Variants in ANK2 observed in about 807,000 individuals in gnomAD.
ANK2 encodes the protein ankyrin 2.
In ANK2, 83 loss-of-function variants were observed where a neutral mutation model predicts 360.5. That is an observed-to-expected ratio of 0.23 (90% CI 0.19 to 0.28). The LOEUF (loss-of-function observed/expected upper bound fraction) is 0.28. ANK2 is among the 10% of genes least tolerant of loss of function. ANK2 has a pLI of 1.00. For synonymous variants in ANK2, 1,740 were observed against 1,759.5 expected (o/e 0.99, Z 0.28); for missense variants, 4,201 against 4,795.7 (o/e 0.88, Z 3.66).
chr4:113,252,291 C>T (rs1331028612), intron 10 of ANK2, among the ~76,000 whole-genome samples: 4 of 152,138 alleles, frequency 2.6e-5, no homozygotes, highest in Non-Finnish European at 4.4e-5. Context: ...GGGTCCCTCT[C>T]GCAACACAAG....
intron 1 of ANK2, among the ~76,000 whole-genome samples, chr4:113,172,499 A>G (rs998494290): frequency 6.6e-6 from 1 of 152,210 alleles, no homozygotes; most frequent in East Asian, 1.9e-4. Flanking sequence ...CATCTATTAA[A>G]TGGGCATAAG....
At chr4:112,960,189 A>G (rs111270937) in intron 2 of ANK2, among the ~76,000 whole-genome samples, 8 of 152,322 alleles carry the variant, frequency 5.3e-5, no homozygotes, top group African/African-American at 1.9e-4. Context: ...CATCTGTGTC[A>G]GGAATATCGG....
At chr4:113,218,931 T>C (rs362486) in intron 4 of ANK2, among the ~76,000 whole-genome samples, 4,242 of 152,242 alleles carry the variant, frequency 0.028, 98 homozygotes, top group East Asian at 0.067. Context: ...AATAATTACT[T>C]CAGGTTAATG....
At chr4:113,335,378 T>A (rs1415484064) in intron 29 of ANK2, among the ~76,000 whole-genome samples, 1 of 152,200 alleles carries the variant, frequency 6.6e-6, no homozygotes, top group Admixed American at 6.5e-5. Context: ...ATTATTCCCC[T>A]GAAAACCCAA....
the ANK2 span, among the ~76,000 whole-genome samples, chr4:112,712,054 A>T: frequency 6.7e-6 from 1 of 148,836 alleles, no homozygotes; most frequent in Non-Finnish European, 1.5e-5. Flanking sequence ...ACACACACAC[A>T]CATATATATA....
intron 13 of ANK2, among the ~76,000 whole-genome samples, chr4:113,263,003 C>T (rs950749177): frequency 6.6e-6 from 1 of 151,676 alleles, no homozygotes; most frequent in Admixed American, 6.6e-5. Flanking sequence ...GCTTGACCAA[C>T]ATGATGAAAC....
At chr4:112,954,736 G>A (rs2095251024) in intron 2 of ANK2, among the ~76,000 whole-genome samples, 1 of 152,042 alleles carries the variant, frequency 6.6e-6, no homozygotes, top group Non-Finnish European at 1.5e-5. Flanking sequence ...TTTAGAAATG[G>A]CAAAGTTCAG....
At chr4:112,759,767 G>A in the ANK2 span, among the ~76,000 whole-genome samples, 1 of 152,082 alleles carries the variant, frequency 6.6e-6, no homozygotes, top group Non-Finnish European at 1.5e-5. Context: ...CATTGTAGAG[G>A]ACTTTGTACT....
intron 2 of ANK2, among the ~76,000 whole-genome samples, chr4:113,023,657 C>T (rs1044135012): frequency 1.3e-4 from 20 of 152,332 alleles, no homozygotes; most frequent in African/African-American, 4.1e-4. Context: ...GGCAACATTT[C>T]ATCTTCATTT....
At chr4:113,254,385 A>G (rs898452217) in intron 10 of ANK2, among the ~76,000 whole-genome samples, 1 of 152,206 alleles carries the variant, frequency 6.6e-6, no homozygotes, top group African/African-American at 2.4e-5. Context: ...AAAATCAACA[A>G]AAGATTAGAT....
chr4:113,001,060 C>T (rs568303103), intron 2 of ANK2, among the ~76,000 whole-genome samples: 28 of 152,036 alleles, frequency 1.8e-4, no homozygotes, highest in Non-Finnish European at 3.7e-4. Flanking sequence ...TGAGGTCGGG[C>T]ACGGTGGTTC....
chr4:113,175,524 C>T (rs892125384), intron 2 of ANK2, among the ~76,000 whole-genome samples: 1 of 152,168 alleles, frequency 6.6e-6, no homozygotes, highest in Non-Finnish European at 1.5e-5. Context: ...CCTTCTGCAT[C>T]CAGATTACAT....
chr4:112,909,833 A>AT (rs1173303255), intron 2 of ANK2, among the ~76,000 whole-genome samples: 1 of 152,070 alleles, frequency 6.6e-6, no homozygotes, highest in Non-Finnish European at 1.5e-5. Flanking sequence ...GAGCTCATTC[A>AT]TTTTTTTACT....
intron 2 of ANK2, among the ~76,000 whole-genome samples, chr4:112,981,174 A>G (rs2043007881): frequency 6.6e-6 from 1 of 152,230 alleles, no homozygotes; most frequent in Non-Finnish European, 1.5e-5. Flanking sequence ...TGCTCAAGTG[A>G]AGTGCATGCT....
intron 2 of ANK2, among the ~76,000 whole-genome samples, chr4:112,957,222 G>A (rs1425956013): frequency 1.3e-5 from 2 of 149,460 alleles, no homozygotes; most frequent in African/African-American, 2.4e-5. Context: ...GACTCTTAAC[G>A]AGCATGCTGC....
chr4:113,213,894 A>AAAAGAG (rs1485232425), intron 4 of ANK2, among the ~76,000 whole-genome samples: 4 of 152,156 alleles, frequency 2.6e-5, no homozygotes, highest in African/African-American at 9.6e-5. Context: ...CAGTGCAATG[A>AAAAGAG]AAAGAGAAAG....
At chr4:112,753,683 T>G in the ANK2 span, among the ~76,000 whole-genome samples, 1 of 152,158 alleles carries the variant, frequency 6.6e-6, no homozygotes, top group Non-Finnish European at 1.5e-5. Flanking sequence ...CTGGTTACCC[T>G]CACTGCTACA....
At chr4:113,126,663 A>G (rs566237998) in intron 1 of ANK2, among the ~76,000 whole-genome samples, 2 of 152,224 alleles carry the variant, frequency 1.3e-5, no homozygotes, top group Admixed American at 1.3e-4. Flanking sequence ...ACACGTTTCC[A>G]TTACTGGGGA....
At chr4:113,322,927 G>A (rs572100423) in intron 26 of ANK2, among the ~76,000 whole-genome samples, 1 of 151,994 alleles carries the variant, frequency 6.6e-6, no homozygotes, top group Admixed American at 6.6e-5. Context: ...ATACGTGAAG[G>A]TAAATTCTTT....
Sources: gnomAD v4.1 joint callset for allele counts (sites outside exome capture counted in the v4.1 genomes callset) on GRCh38, gnomAD v4.1.1 for gene constraint, MANE v1.5 for transcripts, NCBI Gene and HGNC (gene_info 2026-07-23, HGNC 2026-07-21) for gene names.